The following INVS variants were observed in gnomAD, a reference collection of about 807,000 sequenced individuals.
INVS encodes inversion of embryo turning homolog.
INVS carries 86 observed loss-of-function variants against 108.8 expected under a neutral mutation model. The ratio of observed to expected loss-of-function variants is 0.79; its 90% confidence interval spans 0.66 to 0.95. The LOEUF is 0.95. INVS is among the 40% of genes least tolerant of loss of function. INVS has a pLI of 0.00. For missense variants in INVS, 1,169 were observed against 1,297.4 expected (o/e 0.90, Z 1.52); for synonymous variants, 455 against 473.5 (o/e 0.96, Z 0.51).
chr9:100,125,972 C>T (rs2118893833), intron 2 of INVS, among the ~76,000 whole-genome samples: 1 of 152,292 alleles, frequency 6.6e-6, no homozygotes, highest in Non-Finnish European at 1.5e-5. Context: ...AGGCGTGAGC[C>T]ACCGCACCCA....
Position 100,292,912 on chromosome 9 carries a change from T to C in INVS, c.2655T>C (p.Ser885=). The C allele has an allele frequency of 6.2e-7, 1 of 1,614,036 alleles. No individual in the cohort carries two copies. Among genetic ancestry groups the C allele is most frequent in the Non-Finnish European group, 8.5e-7 (1 of 1,179,902 alleles). The change falls in exon 14 of 17, where the codon TCT becomes TCC. Residue 885 remains serine (S), a synonymous_variant. Transcript: ENST00000262457. ...CTGATCCAGCACCTGGTCCCCTCTC[T>C]GGGCAGAGTGTGAATATTGACCTTC... ...KETDPAPGPL[S]GQSVNIDLLP...
At chr9:100,147,553 A>G (rs1164581274) in intron 3 of INVS, among the ~76,000 whole-genome samples, 2 of 152,182 alleles carry the variant, frequency 1.3e-5, no homozygotes, top group East Asian at 3.9e-4. Context: ...AGTTATCTAA[A>G]TTGCAAATGC....
chr9:100,167,198 C>G (rs368978972), intron 3 of INVS, among the ~76,000 whole-genome samples: 22 of 151,978 alleles, frequency 1.4e-4, no homozygotes, highest in Middle Eastern at 3.4e-3. Flanking sequence ...TGCACTCCAG[C>G]CTGGGTGGCA....
At chr9:100,184,687 G>A (rs946590561) in intron 3 of INVS, among the ~76,000 whole-genome samples, 12 of 151,990 alleles carry the variant, frequency 7.9e-5, no homozygotes, top group Middle Eastern at 3.2e-3. Flanking sequence ...ATATGACTTC[G>A]TATATAGGCT....
chr9:100,265,457 A>G (rs186146732), intron 11 of INVS, among the ~76,000 whole-genome samples: 6 of 152,306 alleles, frequency 3.9e-5, no homozygotes, highest in Admixed American at 1.3e-4. Flanking sequence ...AATTTCATCT[A>G]TTGCCTAGGG....
At chr9:100,172,106 TA>T (rs879262348) in intron 3 of INVS, among the ~76,000 whole-genome samples, 124 of 146,662 alleles carry the variant, frequency 8.5e-4, no homozygotes, top group African/African-American at 2.1e-3. Flanking sequence ...CTTGAGCATG[TA>T]AAAAAAAAAA....
At chr9:100,145,483 G>T (rs1377392931) in intron 3 of INVS, among the ~76,000 whole-genome samples, 1 of 151,928 alleles carries the variant, frequency 6.6e-6, no homozygotes, top group Non-Finnish European at 1.5e-5. Context: ...AGAGATAAGA[G>T]GTTGGGGCAT....
At chr9:100,191,962 T>C (rs1393655216) in intron 3 of INVS, among the ~76,000 whole-genome samples, 1 of 152,192 alleles carries the variant, frequency 6.6e-6, no homozygotes, top group Non-Finnish European at 1.5e-5. Context: ...GTTCCTTGGT[T>C]ATAGAGAATC....
chr9:100,230,361 C>T (rs1013497949), intron 5 of INVS, among the ~76,000 whole-genome samples: 1 of 152,106 alleles, frequency 6.6e-6, no homozygotes, highest in Non-Finnish European at 1.5e-5. Context: ...CCCTGATTTC[C>T]ATTACCACAT....
At chr9:100,197,509 G>A (rs1000219135) in intron 3 of INVS, among the ~76,000 whole-genome samples, 8 of 152,174 alleles carry the variant, frequency 5.3e-5, no homozygotes, top group Non-Finnish European at 1.0e-4. Flanking sequence ...GTGGAGTGGG[G>A]TGCACCACCC....
chr9:100,270,731 A>C (rs1832926733), intron 11 of INVS, among the ~76,000 whole-genome samples: 1 of 144,394 alleles, frequency 6.9e-6, no homozygotes, highest in Non-Finnish European at 1.5e-5. Context: ...CTGGGCAACA[A>C]GAGCAAAACT....
At position 100,292,944 on chromosome 9, in the gene INVS, T is replaced by C; in HGVS notation, c.2687T>C (p.Val896Ala). ...GQSVNIDLLP[V>A]ELRLQIIQRE... ...AGTGTGAATATTGACCTTCTCCCCG[T>C]AGAGCTCCGACTGCAGATAATTCAG... Residue 896 changes from valine to alanine, a missense_variant, in exon 14 of 17, where the codon GTA becomes GCA. Transcript: ENST00000262457. The C allele has an allele frequency of 6.2e-7, 1 of 1,613,220 alleles. No homozygotes were observed.
At chr9:100,137,404 T>C (rs188650540) in intron 3 of INVS, among the ~76,000 whole-genome samples, 62 of 152,310 alleles carry the variant, frequency 4.1e-4, no homozygotes, top group African/African-American at 1.4e-3. Context: ...AGAAAGCTAG[T>C]GTTTAATGAT....
At chr9:100,124,944 T>G (rs1827839230) in intron 2 of INVS, among the ~76,000 whole-genome samples, 1 of 152,210 alleles carries the variant, frequency 6.6e-6, no homozygotes, top group African/African-American at 2.4e-5. Flanking sequence ...AAATTTCAAG[T>G]TAGTTTTCAG....
chr9:100,209,508 T>C lies in INVS; in HGVS notation c.274-16554T>C, dbSNP rs149047173. Among the ~76,000 whole-genome samples, 793 of 152,190 alleles carry C rather than the reference T, an allele frequency of 5.2e-3. 7 individuals are homozygous for C. Among genetic ancestry groups the C allele is most frequent in the African/African-American group, 0.017 (701 of 41,536 alleles). On this transcript the variant is annotated intron_variant, in intron 3 of 16. Coordinates refer to ENST00000262457, the MANE Select transcript of INVS (RefSeq NM_014425.5). ...AGTACTGGCCGGGTGCAGTGGCTCA[T>C]GCCTGTAATCCCAGCACTTTGGGAG... is the stretch of plus-strand genomic sequence containing the variant.
chr9:100,248,263 A>C (rs1323186594), intron 8 of INVS, among the ~76,000 whole-genome samples: 1 of 152,104 alleles, frequency 6.6e-6, no homozygotes, highest in Non-Finnish European at 1.5e-5. Flanking sequence ...TAACTTTTTC[A>C]GGTATTTGAA....
At chr9:100,148,339 AT>A (rs1202623870) in intron 3 of INVS, among the ~76,000 whole-genome samples, 1 of 152,300 alleles carries the variant, frequency 6.6e-6, no homozygotes. Flanking sequence ...TCTTTATATT[AT>A]TTTTTGAACC....
At chr9:100,252,261 C>T (rs369363271) in intron 8 of INVS, 22 bp from the exon 9 acceptor site, 1 of 1,613,406 alleles carries the variant, frequency 6.2e-7, no homozygotes, top group African/African-American at 1.3e-5. Context: ...TAGTTCATCA[C>T]TTTCTGTTGG....
chr9:100,139,781 A>G (rs1828361707), intron 3 of INVS, among the ~76,000 whole-genome samples: 1 of 152,174 alleles, frequency 6.6e-6, no homozygotes. Context: ...AGCTGGGACT[A>G]TAGGCACGTA....
Sources: gnomAD v4.1 joint callset for allele counts (sites outside exome capture counted in the v4.1 genomes callset) on GRCh38, gnomAD v4.1.1 for gene constraint, MANE v1.5 for transcripts, NCBI Gene and HGNC (gene_info 2026-07-23, HGNC 2026-07-21) for gene names.